GLI3: variants seen among roughly 807,000 people sequenced by gnomAD.
GLI3 encodes GLI family zinc finger 3.
A neutral mutation model predicts 100.8 loss-of-function variants in GLI3; 20 were observed. The ratio of observed to expected loss-of-function variants is 0.20; its 90% CI spans 0.14 to 0.29. GLI3 has a LOEUF of 0.29. GLI3 is among the 10% of genes least tolerant of loss of function. GLI3 has a pLI of 1.00. For synonymous variants in GLI3, 938 were observed against 860.5 expected (o/e 1.09, Z -1.58); for missense variants, 2,040 against 2,128.5 (o/e 0.96, Z 0.82).
At chr7:42,076,992 A>G in intron 3 of GLI3, 135 bp from the exon 4 acceptor site, 1 of 710,784 alleles carries the variant, frequency 1.4e-6, no homozygotes, top group Middle Eastern at 2.5e-4. Flanking sequence ...AGAACTCTTT[A>G]AGGTTAGTTA....
Position 41,965,990 on chromosome 7 carries a change from C to A in GLI3, c.3083G>T (p.Ser1028Ile), listed in dbSNP as rs79049330. Reference sequence around the variant, plus strand: ...GGCCATCGCCGGGGGGTTGCAGCTGCTGAGGCTGCTGAAGCGCGGCACACG... The same window carrying A: ...GGCCATCGCCGGGGGGTTGCAGCTGATGAGGCTGCTGAAGCGCGGCACACG... ...LPRVPRFSSL[S>I]SCNPPAMATS... Residue 1028 changes from serine (S) to isoleucine (I), a missense_variant, in exon 15 of 15, where the codon AGC becomes ATC. This residue lies in a region of GLI3 where 1,041 missense variants were observed against 924.0 expected (regional missense o/e 1.13). Transcript: ENST00000395925. 0.019 allele frequency: 29,922 copies of A among 1,604,554 alleles called. 349 individuals are homozygous for A. Among genetic ancestry groups the A allele is most frequent in the Non-Finnish European group, 0.023 (27,401 of 1,179,222 alleles).
chr7:42,174,280 T>A (rs2128678127), intron 2 of GLI3, among the ~76,000 whole-genome samples: 1 of 152,328 alleles, frequency 6.6e-6, no homozygotes, highest in East Asian at 1.9e-4. Context: ...CCAGGTAACC[T>A]TCCCACAAAA....
At chr7:42,025,498 T>C in intron 8 of GLI3, 121 bp from the exon 9 acceptor site, 1 of 739,080 alleles carries the variant, frequency 1.4e-6, no homozygotes. Context: ...GCAATGACTC[T>C]GATAATTCTC....
At chr7:42,257,152 A>T (rs891377754) in intron 1 of GLI3, among the ~76,000 whole-genome samples, 1 of 152,126 alleles carries the variant, frequency 6.6e-6, no homozygotes, top group Non-Finnish European at 1.5e-5. Context: ...ATAGTTAATT[A>T]GTTCTAGTGG....
At chr7:42,003,309 G>T (rs867151220) in intron 10 of GLI3, among the ~76,000 whole-genome samples, 2 of 152,234 alleles carry the variant, frequency 1.3e-5, no homozygotes, top group Middle Eastern at 3.4e-3. Flanking sequence ...TTTCACACTA[G>T]AAATTATGGA....
intron 3 of GLI3, among the ~76,000 whole-genome samples, chr7:42,142,046 G>A (rs573561592): frequency 2.6e-5 from 4 of 152,248 alleles, no homozygotes; most frequent in South Asian, 2.1e-4. Flanking sequence ...AAAGGAGGTC[G>A]GGCCACCAGG....
At chr7:42,257,377 A>G (rs1166396946) in intron 1 of GLI3, among the ~76,000 whole-genome samples, 19 of 131,350 alleles carry the variant, frequency 1.4e-4, no homozygotes, top group African/African-American at 5.0e-4. Context: ...TTTTTTTGAG[A>G]CGGAGTCTCG....
intron 2 of GLI3, among the ~76,000 whole-genome samples, chr7:42,163,432 C>CT (rs1343242464): frequency 0.02 from 2,873 of 143,184 alleles, 100 homozygotes; most frequent in African/African-American, 0.067. Context: ...ATTTTCTTTT[C>CT]TTTTTTTTTT....
intron 1 of GLI3, among the ~76,000 whole-genome samples, chr7:42,260,626 T>C (rs1789128094): frequency 6.6e-6 from 1 of 152,182 alleles, no homozygotes; most frequent in African/African-American, 2.4e-5. Context: ...TATGTCTGAT[T>C]TACATGTTTA....
At chr7:42,116,006 C>T (rs1785844861) in intron 3 of GLI3, among the ~76,000 whole-genome samples, 2 of 152,022 alleles carry the variant, frequency 1.3e-5, no homozygotes, top group South Asian at 4.2e-4. Context: ...ACAGGGAGGG[C>T]ATCATCAGCT....
At chr7:42,157,961 T>C (rs1787043297) in intron 2 of GLI3, among the ~76,000 whole-genome samples, 1 of 152,242 alleles carries the variant, frequency 6.6e-6, no homozygotes, top group South Asian at 2.1e-4. Context: ...TAAAATTATG[T>C]CATTTTATGT....
intron 2 of GLI3, among the ~76,000 whole-genome samples, chr7:42,185,873 C>T (rs1194531917): frequency 6.6e-6 from 1 of 152,192 alleles, no homozygotes; most frequent in African/African-American, 2.4e-5. Flanking sequence ...CTCAGCCTGT[C>T]CCTGGAGTCA....
intron 10 of GLI3, among the ~76,000 whole-genome samples, chr7:42,017,429 C>T (rs1366756126): frequency 6.6e-6 from 1 of 152,116 alleles, no homozygotes; most frequent in Non-Finnish European, 1.5e-5. Context: ...TACATGGCCG[C>T]CTCTTAAACT....
At chr7:42,259,873 C>T (rs919022659) in intron 1 of GLI3, among the ~76,000 whole-genome samples, 1 of 152,176 alleles carries the variant, frequency 6.6e-6, no homozygotes, top group Admixed American at 6.5e-5. Context: ...AAAAATAAAC[C>T]TGTGGGCATC....
At chr7:41,990,122 TACACACAC>T (rs3138802) in intron 10 of GLI3, among the ~76,000 whole-genome samples, 2 of 148,874 alleles carry the variant, frequency 1.3e-5, no homozygotes, top group African/African-American at 2.5e-5. Context: ...AATGCTTGCT[TACACACAC>T]ACACACACAC....
intron 3 of GLI3, among the ~76,000 whole-genome samples, chr7:42,110,179 A>G (rs1287165895): frequency 6.6e-6 from 1 of 152,220 alleles, no homozygotes; most frequent in East Asian, 1.9e-4. Context: ...CCTCTGTCTT[A>G]TTCCTTTCTT....
At chr7:42,018,544 T>G (rs955392097) in intron 10 of GLI3, among the ~76,000 whole-genome samples, 2 of 152,224 alleles carry the variant, frequency 1.3e-5, no homozygotes, top group African/African-American at 4.8e-5. Flanking sequence ...TAACTCTTCC[T>G]TGCGTTTCTA....
In GLI3 at chr7:41,965,882, G is replaced by C. The variant is rs1428848190; in HGVS notation, c.3191C>G (p.Pro1064Arg). 1.2e-6 allele frequency: 2 copies of C among 1,613,734 alleles called. No individual in the cohort carries two copies. The highest frequency in any genetic ancestry group is 1.1e-5 in the South Asian group (1 of 91,068). The change falls in exon 15 of 15, where the codon CCC becomes CGC. Residue 1064 changes from proline (P) to arginine (R), a missense_variant. Pro to Arg is a moderately radical substitution (Grantham distance 103). This residue lies in a region of GLI3 where 1,041 missense variants were observed against 924.0 expected (regional missense o/e 1.13). Coordinates refer to ENST00000395925, the MANE Select transcript of GLI3 (RefSeq NM_000168.6). ...GGQSRNFHSSPCPPSITENVT... is the reference protein window; with the variant it reads ...GGQSRNFHSSRCPPSITENVT... ...GTTCTCGGTGATGCTGGGAGGACAGGGGGACGAGTGGAAGTTTCGGGACTG... is the reference window on the plus strand; with the variant it reads ...GTTCTCGGTGATGCTGGGAGGACAGCGGGACGAGTGGAAGTTTCGGGACTG...
chr7:41,971,848 G>C (rs548783435), intron 13 of GLI3, among the ~76,000 whole-genome samples: 1 of 152,130 alleles, frequency 6.6e-6, no homozygotes. Context: ...CCGACTGACC[G>C]GCAGTCCGTC....
Sources: gnomAD v4.1 joint callset for allele counts (sites outside exome capture counted in the v4.1 genomes callset) on GRCh38, gnomAD v4.1.1 for gene constraint, gnomAD v4.1.1 regional missense constraint, MANE v1.5 for transcripts, NCBI Gene and HGNC (gene_info 2026-07-23, HGNC 2026-07-21) for gene names.